The following CNTNAP2 variants were observed in gnomAD, a reference collection of about 807,000 sequenced individuals.
CNTNAP2 encodes contactin associated protein 2.
CNTNAP2 carries 98 observed loss-of-function variants against 155.2 expected under a neutral mutation model. That is an observed-to-expected ratio of 0.63 (90% CI 0.54 to 0.75). CNTNAP2 has a LOEUF of 0.75. Among genes scored for constraint, CNTNAP2 ranks in the 30% least tolerant of loss-of-function variants. The pLI is 0.00. For missense variants in CNTNAP2, 1,727 were observed against 1,688.1 expected (o/e 1.02, Z -0.40); for synonymous variants, 651 against 631.2 (o/e 1.03, Z -0.47).
intron 1 of CNTNAP2, among the ~76,000 whole-genome samples, chr7:146,263,771 C>T (rs916802699): frequency 6.6e-6 from 1 of 152,164 alleles, no homozygotes; most frequent in African/African-American, 2.4e-5. Flanking sequence ...GAGTCAAAGA[C>T]AGACCTCTAA....
At chr7:147,634,863 C>G (rs1247593509) in intron 12 of CNTNAP2, among the ~76,000 whole-genome samples, 1 of 152,162 alleles carries the variant, frequency 6.6e-6, no homozygotes, top group Non-Finnish European at 1.5e-5. Context: ...GACTGCTGGT[C>G]ATGCTCGTCC....
intron 4 of CNTNAP2, among the ~76,000 whole-genome samples, chr7:147,063,752 G>T (rs1799727614): frequency 6.6e-6 from 1 of 151,928 alleles, no homozygotes; most frequent in African/African-American, 2.4e-5. Flanking sequence ...TCCTTGTCTA[G>T]TCACAGTTTT....
chr7:147,960,188 T>C (rs930413363), intron 14 of CNTNAP2, among the ~76,000 whole-genome samples: 1 of 152,088 alleles, frequency 6.6e-6, no homozygotes, highest in Non-Finnish European at 1.5e-5. Context: ...CACTATAACA[T>C]AGTGTTCCTG....
At chr7:146,369,052 C>CACACAT (rs1795196399) in intron 1 of CNTNAP2, among the ~76,000 whole-genome samples, 1 of 66,390 alleles carries the variant, frequency 1.5e-5, no homozygotes, top group African/African-American at 4.4e-5. Flanking sequence ...TATATATATA[C>CACACAT]ATATATATAT....
chr7:146,635,188 C>A (rs867391915), intron 1 of CNTNAP2, among the ~76,000 whole-genome samples: 8 of 152,008 alleles, frequency 5.3e-5, no homozygotes, highest in African/African-American at 1.9e-4. Flanking sequence ...ATGAAAAATA[C>A]CTGGATGTGC....
chr7:147,928,809 G>A (rs754696151), intron 14 of CNTNAP2, among the ~76,000 whole-genome samples: 10 of 151,840 alleles, frequency 6.6e-5, no homozygotes, highest in African/African-American at 9.7e-5. Flanking sequence ...CCTTTAAATC[G>A]GCCGGGTGCG....
At chr7:146,214,642 T>A (rs908204896) in intron 1 of CNTNAP2, among the ~76,000 whole-genome samples, 2 of 152,180 alleles carry the variant, frequency 1.3e-5, no homozygotes, top group Non-Finnish European at 2.9e-5. Context: ...TTACAATGAG[T>A]CATTAAATGT....
chr7:146,248,327 G>A (rs902707373), intron 1 of CNTNAP2, among the ~76,000 whole-genome samples: 2 of 152,242 alleles, frequency 1.3e-5, no homozygotes, highest in East Asian at 3.9e-4. Flanking sequence ...AGGGGTTGGG[G>A]TACTTGCCCT....
At chr7:147,599,838 C>A (rs1037027406) in intron 12 of CNTNAP2, among the ~76,000 whole-genome samples, 1 of 152,144 alleles carries the variant, frequency 6.6e-6, no homozygotes. Flanking sequence ...TCTGCAAAGA[C>A]GCTATTTCCA....
intron 16 of CNTNAP2, among the ~76,000 whole-genome samples, chr7:148,137,708 G>GGAAT (rs1804987477): frequency 6.7e-6 from 1 of 150,228 alleles, no homozygotes; most frequent in South Asian, 2.1e-4. Context: ...AAGGAAGGAA[G>GGAAT]GAAGGAAGGA....
intron 3 of CNTNAP2, among the ~76,000 whole-genome samples, chr7:146,933,360 G>A (rs1342897962): frequency 6.6e-6 from 1 of 151,666 alleles, no homozygotes; most frequent in East Asian, 1.9e-4. Context: ...TTTAATAAAT[G>A]GTGCTGGGAA....
At chr7:148,387,673 A>G (rs1290247533) in intron 22 of CNTNAP2, among the ~76,000 whole-genome samples, 7 of 152,132 alleles carry the variant, frequency 4.6e-5, no homozygotes, top group African/African-American at 1.7e-4. Flanking sequence ...CTGCAATTTA[A>G]AAGCTCTAAT....
intron 1 of CNTNAP2, among the ~76,000 whole-genome samples, chr7:146,225,300 T>C (rs1411490126): frequency 6.6e-6 from 1 of 152,168 alleles, no homozygotes; most frequent in African/African-American, 2.4e-5. Context: ...CTAAGCTTCA[T>C]TCACAAAGTA....
At chr7:147,338,050 T>C (rs559836642) in intron 9 of CNTNAP2, among the ~76,000 whole-genome samples, 4 of 152,254 alleles carry the variant, frequency 2.6e-5, no homozygotes, top group Non-Finnish European at 5.9e-5. Context: ...AGTTCTCACA[T>C]TGTTATAAGG....
intron 1 of CNTNAP2, among the ~76,000 whole-genome samples, chr7:146,673,829 C>T (rs1224246107): frequency 6.6e-6 from 1 of 152,160 alleles, no homozygotes; most frequent in Non-Finnish European, 1.5e-5. Flanking sequence ...GAGATCTTCC[C>T]ACCCCAGCCT....
chr7:147,693,592 T>G (rs1216873506), intron 13 of CNTNAP2, among the ~76,000 whole-genome samples: 3 of 151,976 alleles, frequency 2.0e-5, no homozygotes, highest in Non-Finnish European at 4.4e-5. Flanking sequence ...CGGGGGGCGC[T>G]GATATAAATA....
chr7:147,652,710 TAGAA>T (rs985654340), intron 13 of CNTNAP2, among the ~76,000 whole-genome samples: 17 of 151,440 alleles, frequency 1.1e-4, no homozygotes, highest in Non-Finnish European at 1.3e-4. Context: ...CTCAAGAAGT[TAGAA>T]AGGAAGGAAG....
intron 1 of CNTNAP2, among the ~76,000 whole-genome samples, chr7:146,223,986 C>A (rs1488349804): frequency 2.0e-5 from 3 of 152,282 alleles, no homozygotes; most frequent in East Asian, 1.9e-4. Flanking sequence ...CTTCCGTTAG[C>A]ATCAGTTGCT....
intron 9 of CNTNAP2, among the ~76,000 whole-genome samples, chr7:147,360,300 C>T (rs192974751): frequency 8.5e-5 from 13 of 152,098 alleles, no homozygotes; most frequent in Middle Eastern, 3.4e-3. Context: ...TATAAATAAT[C>T]ATTGAATTTT....
Sources: gnomAD v4.1 joint callset for allele counts (sites outside exome capture counted in the v4.1 genomes callset) on GRCh38, gnomAD v4.1.1 for gene constraint, MANE v1.5 for transcripts, NCBI Gene and HGNC (gene_info 2026-07-23, HGNC 2026-07-21) for gene names.